Variants in MYO16 observed in about 807,000 individuals in gnomAD.
MYO16 encodes unconventional myosin-XVI.
MYO16 carries 94 observed loss-of-function variants against 205.3 expected under a neutral mutation model. That is an observed-to-expected ratio of 0.46 (90% confidence interval 0.39 to 0.54). The LOEUF is 0.54. Ranked by LOEUF, MYO16 falls within the 20% of genes least tolerant of loss-of-function variation. The pLI is 0.00. For missense variants in MYO16, 2,315 were observed against 2,387.5 expected, an observed-to-expected ratio of 0.97 and a Z score of 0.63; for synonymous variants, 988 against 954.0, an observed-to-expected ratio of 1.04 and a Z score of -0.66.
intron 27 of MYO16, among the ~76,000 whole-genome samples, chr13:109,074,861 T>C (rs977154631): frequency 1.5e-4 from 23 of 152,258 alleles, no homozygotes; most frequent in South Asian, 8.3e-4. Context: ...TTCCCCAACA[T>C]GTAGGGATTA....
intron 16 of MYO16, among the ~76,000 whole-genome samples, chr13:108,932,498 A>G (rs1882301309): frequency 6.6e-6 from 1 of 152,194 alleles, no homozygotes; most frequent in Non-Finnish European, 1.5e-5. Flanking sequence ...CCAACCAAGG[A>G]CTATTTTTAT....
intron 31 of MYO16, among the ~76,000 whole-genome samples, chr13:109,128,768 GT>G (rs1172405612): frequency 0.019 from 2,207 of 114,988 alleles, 12 homozygotes; most frequent in South Asian, 0.032. Flanking sequence ...CACTTTTTTA[GT>G]TTTTTTTTTT....
chr13:108,752,972 A>T (rs1885289925), intron 4 of MYO16, among the ~76,000 whole-genome samples: 1 of 151,846 alleles, frequency 6.6e-6, no homozygotes, highest in South Asian at 2.1e-4. Flanking sequence ...GTTTTTGTAT[A>T]TCAGAAATGT....
At chr13:108,630,478 A>T (rs1594157755) in intron 1 of MYO16, among the ~76,000 whole-genome samples, 1 of 152,214 alleles carries the variant, frequency 6.6e-6, no homozygotes, top group South Asian at 2.1e-4. Flanking sequence ...GGGCTTATCA[A>T]GGGTTTCTTT....
intron 21 of MYO16, 151 bp downstream of exon 21, chr13:108,992,599 A>T: frequency 3.6e-6 from 2 of 553,642 alleles, no homozygotes; most frequent in Non-Finnish European, 6.2e-6. Context: ...CTGGTTTATC[A>T]ATATATTAAC....
At chr13:108,498,426 C>T in the MYO16 span, among the ~76,000 whole-genome samples, 1 of 152,104 alleles carries the variant, frequency 6.6e-6, no homozygotes, top group Non-Finnish European at 1.5e-5. Flanking sequence ...GATTTGATTA[C>T]TTTCTCCTGA....
chr13:108,800,047 G>A (rs1054626408), intron 6 of MYO16, among the ~76,000 whole-genome samples: 4 of 152,098 alleles, frequency 2.6e-5, no homozygotes, highest in Admixed American at 2.0e-4. Flanking sequence ...GCCTTAGCCT[G>A]TACCAGGTCT....
At chr13:108,604,742 GT>G (rs1878888224) in intron 1 of MYO16, among the ~76,000 whole-genome samples, 1 of 152,128 alleles carries the variant, frequency 6.6e-6, no homozygotes, top group African/African-American at 2.4e-5. Context: ...TTACGGAAGG[GT>G]TTTAAATAAG....
intron 34 of MYO16, among the ~76,000 whole-genome samples, chr13:109,199,329 T>G (rs1880314104): frequency 6.7e-6 from 1 of 150,048 alleles, no homozygotes; most frequent in Non-Finnish European, 1.5e-5. Flanking sequence ...GAAAAGCAGC[T>G]CAGTTGTCCC....
At chr13:108,986,208 G>A (rs996314507) in intron 20 of MYO16, among the ~76,000 whole-genome samples, 9 of 152,194 alleles carry the variant, frequency 5.9e-5, no homozygotes, top group Non-Finnish European at 8.8e-5. Flanking sequence ...GATTATGGGA[G>A]CTACAGTTCA....
intron 12 of MYO16, among the ~76,000 whole-genome samples, chr13:108,866,675 A>T (rs753008124): frequency 6.6e-6 from 1 of 152,236 alleles, no homozygotes; most frequent in Admixed American, 6.5e-5. Context: ...TGCCAAGTGT[A>T]ATTATGAGGC....
At chr13:108,800,036 A>G (rs944312178) in intron 6 of MYO16, among the ~76,000 whole-genome samples, 3 of 152,156 alleles carry the variant, frequency 2.0e-5, no homozygotes, top group Admixed American at 6.5e-5. Flanking sequence ...ATCATGGGGA[A>G]GCCTTAGCCT....
At chr13:108,626,961 T>C (rs1879765008), upstream of MYO16, among the ~76,000 whole-genome samples, 3 of 145,928 alleles carry the variant, frequency 2.1e-5, no homozygotes, top group South Asian at 6.4e-4. Context: ...TTGTATATAA[T>C]ATATATATTA....
intron 16 of MYO16, among the ~76,000 whole-genome samples, chr13:108,940,706 C>T (rs1882688644): frequency 6.6e-6 from 1 of 152,160 alleles, no homozygotes; most frequent in African/African-American, 2.4e-5. Flanking sequence ...AAAAGCAAGT[C>T]TTTAATCACA....
At chr13:108,831,773 A>G (rs752419002) in intron 9 of MYO16, among the ~76,000 whole-genome samples, 7 of 152,194 alleles carry the variant, frequency 4.6e-5, no homozygotes, top group Non-Finnish European at 8.8e-5. Flanking sequence ...TTGGCATTCC[A>G]AAGTGCTGAG....
rs779553346 is a variant in MYO16, at chr13:109,141,216, C to T, written c.5004C>T (p.Asp1668=). Residue 1668 remains aspartate, a synonymous_variant, in exon 32 of 35, where the codon GAC becomes GAT. Coordinates refer to ENST00000457511, the MANE Select transcript of MYO16 (RefSeq NM_001198950.3). The surrounding 1 kb of genome is among the most constrained non-coding windows in gnomAD (Gnocchi z 4.1). ...PYSPVKATRA[D]ARKAGSSASP... ...CCCCCGTGAAGGCCACCAGGGCGGA[C>T]GCCAGGAAGGCCGGCTCCAGTGCCT... The T allele has an allele frequency of 3.7e-6, 6 of 1,606,832 alleles. No homozygotes were observed. The East Asian group carries it at 1.1e-4, about 31-fold the overall frequency.
chr13:108,898,378 G>GTGTGTA (rs1880544173), intron 15 of MYO16, among the ~76,000 whole-genome samples: 1 of 151,656 alleles, frequency 6.6e-6, no homozygotes, highest in South Asian at 2.1e-4. Context: ...GTGTGTGTGT[G>GTGTGTA]TGTGTGTGTG....
intron 20 of MYO16, among the ~76,000 whole-genome samples, chr13:108,988,246 G>T (rs953975124): frequency 6.6e-6 from 1 of 152,144 alleles, no homozygotes; most frequent in Admixed American, 6.5e-5. Flanking sequence ...TACGTAGTAT[G>T]GGCGTTTTGC....
rs1876293603 is a variant in MYO16, at chr13:109,127,194, A to C, written c.3783-88A>C. ...GGCTGCTTGCCAAAAAGCCGTCATT[A>C]TGTCTGCTTGAGCAGGTTCCTTGTT... On this transcript the variant is annotated intron_variant, in intron 30 of 34. Coordinates refer to ENST00000457511, the MANE Select transcript of MYO16 (RefSeq NM_001198950.3). This position sits in a 1 kb window ranked among gnomAD's most constrained non-coding sequence, Gnocchi z 4.2. The C allele has an allele frequency of 6.9e-7, 1 of 1,446,814 alleles. No homozygotes were observed. The highest frequency in any genetic ancestry group is 9.2e-7 in the Non-Finnish European group (1 of 1,092,494). The allele number at this position is 1,446,814 out of a possible 1,614,324, so 89.6% of individuals were successfully genotyped here. A position where few individuals can be genotyped will look rare whatever the true frequency, so the allele number is the denominator to read the frequency against.
Sources: gnomAD v4.1 joint callset for allele counts (sites outside exome capture counted in the v4.1 genomes callset) on GRCh38, gnomAD v4.1.1 for gene constraint, Gnocchi (gnomAD v3.1) non-coding constraint, MANE v1.5 for transcripts, NCBI Gene and HGNC (gene_info 2026-07-23, HGNC 2026-07-21) for gene names.